The following ALDH1A2 variants were observed in gnomAD, a reference collection of about 807,000 sequenced individuals.
The protein encoded by ALDH1A2 is aldehyde dehydrogenase 1 family member A2.
ALDH1A2 carries 27 observed loss-of-function variants against 60.3 expected under a neutral mutation model. The ratio of observed to expected loss-of-function variants is 0.45; its 90% CI spans 0.33 to 0.62. The LOEUF is 0.62. ALDH1A2 is among the 20% of genes least tolerant of loss of function. ALDH1A2 has a pLI of 0.02. For missense variants in ALDH1A2, 581 were observed against 643.8 expected (o/e 0.90, Z 1.06); for synonymous variants, 289 against 232.4 (o/e 1.24, Z -2.21).
At chr15:57,990,309 G>A (rs1433642891) in intron 7 of ALDH1A2, 1 of 152,120 alleles carries the variant, frequency 6.6e-6, no homozygotes, top group South Asian at 2.1e-4. Context: ...ATACGTGTGT[G>A]TATACGTATA....
At position 57,963,983 on chromosome 15, in the gene ALDH1A2, C is replaced by T; in HGVS notation, c.988G>A (p.Glu330Lys). 6.2e-7 allele frequency: 1 copy of T among 1,614,198 alleles called. No homozygotes were observed. Among genetic ancestry groups the T allele is most frequent in the Non-Finnish European group, 8.5e-7 (1 of 1,180,030 alleles). ...CTAGSRIFVEESIYEEFVRRS... is the reference protein window; with the variant it reads ...CTAGSRIFVEKSIYEEFVRRS... ...CTCACAAACTCCTCATAGATGGACT[C>T]CTCCACGAAGATGCGAGAGCCTGCA... The change falls in exon 9 of 13, where the codon GAG becomes AAG. Residue 330 changes from glutamate to lysine, a missense_variant. Glu to Lys is a moderately conservative substitution (Grantham distance 56). Transcript: ENST00000249750.
At chr15:58,019,509 C>A (rs1478200028) in intron 1 of ALDH1A2, among the ~76,000 whole-genome samples, 6 of 152,154 alleles carry the variant, frequency 3.9e-5, no homozygotes, top group Non-Finnish European at 1.5e-5. Flanking sequence ...GACTGTTGCT[C>A]AGTTTCTTCA....
chr15:58,043,615 T>C (rs926788771), intron 1 of ALDH1A2, among the ~76,000 whole-genome samples: 2 of 151,998 alleles, frequency 1.3e-5, no homozygotes, highest in African/African-American at 4.8e-5. Context: ...ATGAATATAC[T>C]ACAAAGACAT....
At chr15:58,029,328 G>T (rs573513345) in intron 1 of ALDH1A2, among the ~76,000 whole-genome samples, 1 of 152,276 alleles carries the variant, frequency 6.6e-6, no homozygotes, top group African/African-American at 2.4e-5. Context: ...CAGAAATAAA[G>T]ATGTTCTTTG....
intron 1 of ALDH1A2, among the ~76,000 whole-genome samples, chr15:58,047,406 G>C (rs1373903089): frequency 1.3e-5 from 2 of 151,882 alleles, no homozygotes; most frequent in African/African-American, 2.4e-5. Context: ...AAAAAGTTTA[G>C]TTAAACAATA....
Position 57,961,228 on chromosome 15 carries a change from T to C in ALDH1A2, c.1318A>G (p.Asn440Asp). Residue 440 changes from asparagine (N) to aspartate (D), a missense_variant, in exon 11 of 13, where the codon AAC (asparagine) becomes GAC (aspartate). This residue lies in a region of ALDH1A2 where 375 missense variants were observed against 469.7 expected (regional missense o/e 0.80). Coordinates refer to ENST00000249750, the MANE Select transcript of ALDH1A2 (RefSeq NM_003888.4). The stretch of plus-strand genomic sequence containing the variant: ...GCTGCTACGAGTCCAAAGTCTGAGT[T>C]ATTGGCTCTTTCGATAACTTCATCC... Reference protein sequence around the residue: ...TMDEVIERANNSDFGLVAAVF... With the variant: ...TMDEVIERANDSDFGLVAAVF... 6.2e-7 allele frequency: 1 copy of C among 1,614,136 alleles called. No homozygotes were observed. Among genetic ancestry groups the C allele is most frequent in the South Asian group, 1.1e-5 (1 of 91,076 alleles).
In ALDH1A2 at chr15:57,961,363, G is replaced by T. The variant is rs1323140673; in HGVS notation, c.1252-69C>A. Reference sequence around the variant, plus strand: ...CTTTACCTGCTTTCCACATTTCAATGCAAGTTTACTCTGCCTTGATTACTT... The same window carrying T: ...CTTTACCTGCTTTCCACATTTCAATTCAAGTTTACTCTGCCTTGATTACTT... On this transcript the variant is annotated intron_variant, in intron 10 of 12. Coordinates refer to ENST00000249750, the MANE Select transcript of ALDH1A2 (RefSeq NM_003888.4). The T allele has an allele frequency of 3.8e-6, 6 of 1,560,398 alleles. No individual in the cohort carries two copies. In the East Asian group the frequency reaches 9.0e-5, roughly 23 times the overall value.
intron 8 of ALDH1A2, 73 bp downstream of exon 8, chr15:57,965,652 C>G (rs543099523): frequency 3.6e-6 from 4 of 1,111,114 alleles, no homozygotes; most frequent in South Asian, 2.5e-5. Context: ...AGTGTCCCAT[C>G]AAAAGTGGAG....
At chr15:58,037,794 T>C (rs1896414255) in intron 1 of ALDH1A2, among the ~76,000 whole-genome samples, 3 of 151,700 alleles carry the variant, frequency 2.0e-5, no homozygotes, top group Admixed American at 1.3e-4. Flanking sequence ...GCCATGCAAA[T>C]TAAAGCAGAA....
intron 1 of ALDH1A2, among the ~76,000 whole-genome samples, chr15:58,036,349 A>C (rs777608637): frequency 2.0e-5 from 3 of 151,640 alleles, no homozygotes; most frequent in Non-Finnish European, 4.4e-5. Context: ...TCCAAGATCT[A>C]GATGCATAAT....
Position 57,954,816 on chromosome 15 carries a change from G to A in ALDH1A2, c.*381C>T, listed in dbSNP as rs1167450507. ...TGGGTGAGCGAGGAGGGCCTGGAAG[G>A]AGGAAAATGAAGACAGGAGAAAGGT... On this transcript the variant is annotated 3_prime_UTR_variant, in exon 13 of 13. Coordinates refer to ENST00000249750, the MANE Select transcript of ALDH1A2 (RefSeq NM_003888.4). The A allele has an allele frequency of 3.8e-5, 11 of 286,802 alleles. No homozygotes were observed. Among genetic ancestry groups the A allele is most frequent in the African/African-American group, 8.6e-5 (4 of 46,602 alleles). 17.8% of individuals were successfully genotyped at this position (286,802 alleles called of 1,614,324 possible). A position where few individuals can be genotyped will look rare whatever the true frequency, so the allele number is the denominator to read the frequency against.
At chr15:58,015,597 A>G (rs1895768441) in intron 1 of ALDH1A2, among the ~76,000 whole-genome samples, 1 of 152,216 alleles carries the variant, frequency 6.6e-6, no homozygotes, top group Non-Finnish European at 1.5e-5. Context: ...CACAGGAAAA[A>G]TAAAGATGGT....
rs139243679 is a variant in ALDH1A2 at position 58,061,280 on chromosome 15, A to T, written c.117+4254T>A. 4.0e-3 allele frequency among the ~76,000 whole-genome samples: 535 copies of T among 133,572 alleles called. 3 individuals carry two copies. Among genetic ancestry groups the T allele is most frequent in the African/African-American group, 0.015 (477 of 31,702 alleles). The allele number at this position is 133,572 out of a possible 152,430, so 87.6% of individuals were successfully genotyped here. On this transcript the variant is annotated intron_variant, in intron 1 of 12. Transcript: ENST00000249750. ...GCTGCATAGTTATGAAAAAGTATTT[A>T]AAAAAAAAACCTGAAGTCCTCTATT...
At chr15:58,030,465 T>C (rs1896205886) in intron 1 of ALDH1A2, among the ~76,000 whole-genome samples, 2 of 152,138 alleles carry the variant, frequency 1.3e-5, no homozygotes, top group South Asian at 4.1e-4. Flanking sequence ...AAGCATTCCC[T>C]TTGAAAACTG....
At chr15:57,980,636 G>T (rs144485837) in intron 7 of ALDH1A2, 80 of 203,360 alleles carry the variant, frequency 3.9e-4, no homozygotes, top group African/African-American at 1.7e-3. Flanking sequence ...GTTGAACTGC[G>T]TGGAACTCAT....
intron 1 of ALDH1A2, among the ~76,000 whole-genome samples, chr15:58,018,553 TCTCCC>T (rs1265032149): frequency 6.6e-6 from 1 of 152,090 alleles, no homozygotes. Flanking sequence ...TTTCAAAATA[TCTCCC>T]CTCAAGATAC....
chr15:58,038,771 G>A (rs1483308063), intron 1 of ALDH1A2, among the ~76,000 whole-genome samples: 2 of 151,764 alleles, frequency 1.3e-5, no homozygotes, highest in Non-Finnish European at 2.9e-5. Flanking sequence ...AATGGTTAAT[G>A]TTCATTTCTT....
intron 7 of ALDH1A2, among the ~76,000 whole-genome samples, chr15:57,974,240 T>C (rs1319460255): frequency 2.0e-5 from 3 of 151,972 alleles, no homozygotes; most frequent in African/African-American, 7.3e-5. Context: ...AAGACCATCC[T>C]GGCTAACATG....
intron 1 of ALDH1A2, among the ~76,000 whole-genome samples, chr15:58,062,744 C>A (rs1897074033): frequency 2.0e-5 from 3 of 152,142 alleles, no homozygotes; most frequent in African/African-American, 7.2e-5. Context: ...AACTTGGGAT[C>A]CAGCTTGCTG....
Sources: allele counts gnomAD v4.1 joint callset (sites outside exome capture counted in the v4.1 genomes callset), GRCh38; gene constraint gnomAD v4.1.1; regional missense constraint gnomAD v4.1.1; transcripts MANE v1.5; gene names NCBI Gene and HGNC (gene_info 2026-07-23, HGNC 2026-07-21).